The following USP34 variants were observed in gnomAD, a reference collection of about 807,000 sequenced individuals.
The protein encoded by USP34 is ubiquitin specific peptidase 34.
A neutral mutation model predicts 460.3 loss-of-function variants in USP34; 70 were observed. The observed-to-expected ratio is 0.15, with a 90% confidence interval of 0.13 to 0.19. USP34 has a LOEUF of 0.19. Among genes scored for constraint, USP34 ranks in the 10% least tolerant of loss-of-function variants. The pLI is 1.00. For synonymous variants in USP34, 1,647 were observed against 1,405.3 expected, an observed-to-expected ratio of 1.17 and a Z score of -3.85; for missense variants, 3,985 against 4,236.2, an observed-to-expected ratio of 0.94 and a Z score of 1.65.
Position 61,203,276 on chromosome 2 carries a change from G to A in USP34, c.9385-13C>T. 6.6e-7 allele frequency: 1 copy of A among 1,511,768 alleles called. No homozygotes were observed. Among genetic ancestry groups the A allele is most frequent in the Non-Finnish European group, 8.9e-7 (1 of 1,129,622 alleles). The allele number at this position is 1,511,768 out of a possible 1,614,324, so 93.6% of individuals were successfully genotyped here. A position where few individuals can be genotyped will look rare whatever the true frequency, so the allele number is the denominator to read the frequency against. On this transcript the variant is annotated splice_polypyrimidine_tract_variant and intron_variant, in intron 74 of 79. Coordinates refer to ENST00000398571, the MANE Select transcript of USP34 (RefSeq NM_014709.4). ...CGTCATCTTTGCCCTGAAGGTTAAA[G>A]ATGATAAAATGGTTGCACTTAAATT...
At chr2:61,256,579 A>T (rs535891476) in intron 47 of USP34, 101 bp from the exon 48 acceptor site, 2 of 927,814 alleles carry the variant, frequency 2.2e-6, no homozygotes, top group Non-Finnish European at 3.0e-6. Flanking sequence ...TCAGCAAAAA[A>T]ATTTTTTTTT....
In USP34 at chr2:61,319,161, A is replaced by C; in HGVS notation, c.3168+12T>G. Reference sequence around the variant, plus strand: ...TGGAAAAATAATAACAAACTGAGAGAAATGTAATTACCTTCTCCAGGAAAA... The same window carrying C: ...TGGAAAAATAATAACAAACTGAGAGCAATGTAATTACCTTCTCCAGGAAAA... On this transcript the variant is annotated intron_variant, in intron 22 of 79. Coordinates refer to ENST00000398571, the MANE Select transcript of USP34 (RefSeq NM_014709.4). 6.5e-7 allele frequency: 1 copy of C among 1,543,002 alleles called. No individual in the cohort carries two copies. The highest frequency in any genetic ancestry group is 8.7e-7 in the Non-Finnish European group (1 of 1,154,494).
At chr2:61,227,341 C>T (rs1229331943) in intron 61 of USP34, 123 bp from the exon 62 acceptor site, 1 of 1,064,294 alleles carries the variant, frequency 9.4e-7, no homozygotes, top group Admixed American at 2.7e-5. Context: ...AAAACAACTG[C>T]ACAAAGACCT....
chr2:61,320,838 C>T (rs1490702660), intron 21 of USP34, among the ~76,000 whole-genome samples: 2 of 151,820 alleles, frequency 1.3e-5, no homozygotes, highest in Non-Finnish European at 2.9e-5. Context: ...GGTGAAACCC[C>T]GTCTCTACTA....
chr2:61,431,727 C>T (rs1225308514), intron 1 of USP34, among the ~76,000 whole-genome samples: 1 of 151,960 alleles, frequency 6.6e-6, no homozygotes, highest in Non-Finnish European at 1.5e-5. Flanking sequence ...TGGTGTTAGG[C>T]GCCTGTAATC....
In USP34 at chr2:61,237,529, G is replaced by A. The variant is rs1055866557; in HGVS notation, c.6778-1140C>T. 2.9e-5 allele frequency among the ~76,000 whole-genome samples: 3 copies of A among 103,934 alleles called. No homozygotes were observed. The East Asian group carries it at 8.3e-4, about 29-fold the overall frequency. The allele number at this position is 103,934 out of a possible 152,430, so 68.2% of individuals were successfully genotyped here. On this transcript the variant is annotated intron_variant, in intron 53 of 79. Coordinates refer to ENST00000398571, the MANE Select transcript of USP34 (RefSeq NM_014709.4). ...ATAGTCCTTTTTATACTGTATCTAT[G>A]TATGTGTATAGCTATTTTCTGTGGA...
intron 5 of USP34, among the ~76,000 whole-genome samples, chr2:61,393,940 A>G (rs187874980): frequency 5.9e-5 from 9 of 152,206 alleles, no homozygotes; most frequent in Admixed American, 5.9e-4. Context: ...GTTTGAGACC[A>G]GCCTGGCCAA....
chr2:61,436,098 C>T (rs55683289), intron 1 of USP34, among the ~76,000 whole-genome samples: 19,285 of 152,038 alleles, frequency 0.13, 1,584 homozygotes, highest in East Asian at 0.38. Context: ...ATGCTGTCAA[C>T]AAGATACTAA....
chr2:61,370,067 G>C (rs995893206), intron 10 of USP34, among the ~76,000 whole-genome samples: 2 of 149,768 alleles, frequency 1.3e-5, no homozygotes, highest in Non-Finnish European at 3.0e-5. Context: ...CTGTATAAAT[G>C]AGAATAACAG....
intron 69 of USP34, among the ~76,000 whole-genome samples, chr2:61,209,974 A>G (rs757439452): frequency 4.6e-5 from 7 of 152,182 alleles, no homozygotes; most frequent in Non-Finnish European, 1.0e-4. Context: ...AAAAGCTTAT[A>G]AAGATATAAA....
At chr2:61,463,110 A>G (rs1172764144) in intron 1 of USP34, among the ~76,000 whole-genome samples, 1 of 152,164 alleles carries the variant, frequency 6.6e-6, no homozygotes, top group African/African-American at 2.4e-5. Context: ...GTACCTATAT[A>G]CTCATAGTAT....
intron 19 of USP34, among the ~76,000 whole-genome samples, chr2:61,333,547 G>C (rs1344621377): frequency 6.6e-6 from 1 of 151,978 alleles, no homozygotes; most frequent in Non-Finnish European, 1.5e-5. Flanking sequence ...CCTAGAAATG[G>C]GAAAAATTAA....
intron 15 of USP34, among the ~76,000 whole-genome samples, chr2:61,344,893 T>C (rs1691717088): frequency 6.6e-6 from 1 of 152,138 alleles, no homozygotes; most frequent in Non-Finnish European, 1.5e-5. Context: ...TAGTGGAATC[T>C]AGAGATAAGG....
chr2:61,338,105 T>G (rs1483735069), intron 18 of USP34, among the ~76,000 whole-genome samples: 4 of 152,184 alleles, frequency 2.6e-5, no homozygotes, highest in Non-Finnish European at 5.9e-5. Context: ...GAGGATCACC[T>G]GAGGTGAGGA....
At chr2:61,249,693 A>G (rs983621163) in intron 48 of USP34, 1 of 152,812 alleles carries the variant, frequency 6.5e-6, no homozygotes, top group African/African-American at 2.4e-5. Flanking sequence ...GCACCATGTC[A>G]CAGAGCAGAG....
intron 5 of USP34, among the ~76,000 whole-genome samples, chr2:61,384,456 G>A (rs144339742): frequency 0.013 from 1,909 of 152,060 alleles, 21 homozygotes; most frequent in Non-Finnish European, 0.019. Context: ...GATCACTTGA[G>A]GTCAGGAGTT....
intron 20 of USP34, among the ~76,000 whole-genome samples, 166 bp from the exon 21 acceptor site, chr2:61,325,623 A>G (rs1005723200): frequency 1.3e-5 from 2 of 152,120 alleles, no homozygotes; most frequent in Non-Finnish European, 2.9e-5. Flanking sequence ...AGGCAAAACA[A>G]AAAAATTTAT....
intron 10 of USP34, among the ~76,000 whole-genome samples, chr2:61,352,840 AG>A (rs2103790437): frequency 6.6e-6 from 1 of 152,300 alleles, no homozygotes; most frequent in East Asian, 1.9e-4. Context: ...GATGACGAAG[AG>A]GACAAAGACG....
At chr2:61,395,359 A>G in intron 3 of USP34, 126 bp from the exon 4 acceptor site, 1 of 648,046 alleles carries the variant, frequency 1.5e-6, no homozygotes. Context: ...ACTCCTGATA[A>G]GCAGTGATAC....
Sources: gnomAD v4.1 joint callset for allele counts (sites outside exome capture counted in the v4.1 genomes callset) on GRCh38, gnomAD v4.1.1 for gene constraint, MANE v1.5 for transcripts, NCBI Gene and HGNC (gene_info 2026-07-23, HGNC 2026-07-21) for gene names.